SLC9C2: variants seen among roughly 807,000 people sequenced by gnomAD.
SLC9C2 encodes sodium/hydrogen exchanger 11.
SLC9C2 carries 75 observed loss-of-function variants against 140.2 expected under a neutral mutation model. The ratio of observed to expected loss-of-function variants is 0.53; its 90% CI spans 0.44 to 0.65. The LOEUF (loss-of-function observed/expected upper bound fraction) is 0.65. Ranked by LOEUF, SLC9C2 falls within the 30% of genes least tolerant of loss-of-function variation. The pLI is 0.00. For synonymous variants in SLC9C2, 375 were observed against 420.9 expected, an observed-to-expected ratio of 0.89 and a Z score of 1.34; for missense variants, 1,074 against 1,331.8, an observed-to-expected ratio of 0.81 and a Z score of 3.01.
At chr1:173,524,681 T>C (rs772009381) in intron 20 of SLC9C2, 98 bp downstream of exon 20, 1 of 1,341,100 alleles carries the variant, frequency 7.5e-7, no homozygotes, top group Non-Finnish European at 1.0e-6. Context: ...AGTTAACACC[T>C]GTGGTTAAAC....
intron 11 of SLC9C2, among the ~76,000 whole-genome samples, chr1:173,549,006 G>A (rs1398315326): frequency 6.6e-6 from 1 of 152,172 alleles, no homozygotes; most frequent in Non-Finnish European, 1.5e-5. Context: ...AAAGGCCAGT[G>A]CAGTAGAGAT....
At chr1:173,526,992 G>A (rs995451342) in intron 18 of SLC9C2, among the ~76,000 whole-genome samples, 1 of 151,932 alleles carries the variant, frequency 6.6e-6, no homozygotes, top group African/African-American at 2.4e-5. Context: ...ATACAAGTGT[G>A]AGCGACCACA....
intron 10 of SLC9C2, 81 bp from the exon 11 acceptor site, chr1:173,554,895 T>TA (rs1483781572): frequency 2.4e-6 from 2 of 835,320 alleles, no homozygotes; most frequent in Non-Finnish European, 3.9e-6. Context: ...ATTAGCCACT[T>TA]ACAAAATTCT....
rs1220022276 is a variant in SLC9C2 at position 173,524,945 on chromosome 1, A to T, written c.2366-18T>A. 2 of 1,611,876 alleles carry T rather than the reference A, an allele frequency of 1.2e-6. No individual in the cohort carries two copies. Among genetic ancestry groups the T allele is most frequent in the Non-Finnish European group, 1.7e-6 (2 of 1,178,834 alleles). On this transcript the variant is annotated intron_variant, in intron 19 of 27. Transcript: ENST00000367714. ...CATGAGTACTACAGCAAAGAAAATAAAATTCAGTAAGTGGCCTATGCAATA... is the reference window on the plus strand; with the variant it reads ...CATGAGTACTACAGCAAAGAAAATATAATTCAGTAAGTGGCCTATGCAATA...
chr1:173,551,989 T>G (rs1368794277), intron 11 of SLC9C2, among the ~76,000 whole-genome samples: 3 of 152,086 alleles, frequency 2.0e-5, no homozygotes, highest in African/African-American at 7.2e-5. Flanking sequence ...TGAAAGAAAT[T>G]AAAAGTGCTA....
At chr1:173,540,126 T>C (rs950464154) in intron 13 of SLC9C2, among the ~76,000 whole-genome samples, 1 of 152,156 alleles carries the variant, frequency 6.6e-6, no homozygotes, top group African/African-American at 2.4e-5. Context: ...CCAGAGACCA[T>C]GCTGTGAAGA....
intron 5 of SLC9C2, among the ~76,000 whole-genome samples, chr1:173,585,394 G>A (rs1456989331): frequency 6.6e-6 from 1 of 152,082 alleles, no homozygotes; most frequent in Non-Finnish European, 1.5e-5. Context: ...AAAAAATAAT[G>A]TATTATGACT....
intron 4 of SLC9C2, among the ~76,000 whole-genome samples, chr1:173,594,407 T>A (rs545489876): frequency 2.0e-5 from 3 of 152,346 alleles, no homozygotes; most frequent in Non-Finnish European, 4.4e-5. Context: ...GAAAGATCAC[T>A]ATGTATTCCA....
Position 173,521,384 on chromosome 1 carries a change from C to A in SLC9C2, c.2656G>T (p.Ala886Ser), listed in dbSNP as rs751648052. The A allele has an allele frequency of 2.0e-6, 3 of 1,501,774 alleles. No homozygotes were observed. The highest frequency in any genetic ancestry group is 2.3e-5 in the Admixed American group (1 of 42,880). The allele number at this position is 1,501,774 out of a possible 1,614,324, so 93.0% of individuals were successfully genotyped here. ...IDFFKERAKL[A>S]CFDSGDTICK... is the part of the protein sequence containing the mutation. ...ATGGTATCTCCAGAGTCAAAACAGG[C>A]AAGTTTGGCTCTTTCCTGAGTGGGA... The change falls in exon 22 of 28, where the codon GCC becomes TCC. Residue 886 changes from alanine to serine, a missense_variant. Coordinates refer to ENST00000367714, the MANE Select transcript of SLC9C2 (RefSeq NM_178527.4).
At chr1:173,572,317 C>G (rs1343533553) in intron 9 of SLC9C2, among the ~76,000 whole-genome samples, 13 of 152,200 alleles carry the variant, frequency 8.5e-5, no homozygotes. Context: ...TTAGGCCCCA[C>G]TCTGATGAGG....
At chr1:173,534,331 G>A (rs1484548595) in intron 16 of SLC9C2, among the ~76,000 whole-genome samples, 153 bp downstream of exon 16, 1 of 151,878 alleles carries the variant, frequency 6.6e-6, no homozygotes, top group African/African-American at 2.4e-5. Context: ...TATTAAACTT[G>A]GAAAATTCAA....
chr1:173,521,401 T>C lies in SLC9C2; in HGVS notation c.2641-2A>G, dbSNP rs767472922. 2.9e-5 allele frequency: 43 copies of C among 1,463,978 alleles called. No individual in the cohort carries two copies. The highest frequency in any genetic ancestry group is 3.9e-5 in the Non-Finnish European group (43 of 1,110,972). The allele number at this position is 1,463,978 out of a possible 1,614,324, so 90.7% of individuals were successfully genotyped here. Reference sequence around the variant, plus strand: ...AAAACAGGCAAGTTTGGCTCTTTCCTGAGTGGGAAAAAAAAAAACGAAAAG... The same window carrying C: ...AAAACAGGCAAGTTTGGCTCTTTCCCGAGTGGGAAAAAAAAAAACGAAAAG... On this transcript the variant is annotated splice_acceptor_variant, in intron 21 of 27. Transcript: ENST00000367714. LOFTEE classifies it high-confidence loss of function.
chr1:173,503,389 G>A lies in SLC9C2; in HGVS notation c.3311-63C>T, dbSNP rs1659415798. On this transcript the variant is annotated intron_variant, in intron 26 of 27. Coordinates refer to ENST00000367714, the MANE Select transcript of SLC9C2 (RefSeq NM_178527.4). ...AGGAATTTAAGAGTAAAGGCAACCAGAAAATATTTTGAAATATCTATTTGC... is the reference window on the plus strand; with the variant it reads ...AGGAATTTAAGAGTAAAGGCAACCAAAAAATATTTTGAAATATCTATTTGC... The A allele has an allele frequency of 7.7e-6, 11 of 1,435,398 alleles. No individual in the cohort carries two copies. The East Asian group carries it at 2.5e-4, about 33-fold the overall frequency. The allele number at this position is 1,435,398 out of a possible 1,614,324, so 88.9% of individuals were successfully genotyped here.
At chr1:173,541,725 A>G (rs1662437530) in intron 13 of SLC9C2, among the ~76,000 whole-genome samples, 1 of 152,226 alleles carries the variant, frequency 6.6e-6, no homozygotes, top group Non-Finnish European at 1.5e-5. Flanking sequence ...CTGCACAACT[A>G]CATGGAAACT....
rs536993276 is a variant in SLC9C2 at position 173,564,837 on chromosome 1, C to T, written c.1047-7329G>A. Among the ~76,000 whole-genome samples the T allele has an allele frequency of 3.3e-5, 5 of 151,616 alleles. No individual in the cohort carries two copies. The South Asian group carries it at 1.0e-3, about 32-fold the overall frequency. On this transcript the variant is annotated intron_variant, in intron 9 of 27. Transcript: ENST00000367714. ...TATTTTTAGTAGAGACAGGGTTTTA[C>T]CCTGTTAGCCAGGATGGTCTCGATC...
intron 24 of SLC9C2, among the ~76,000 whole-genome samples, chr1:173,509,215 G>A (rs771124192): frequency 3.3e-5 from 5 of 152,152 alleles, no homozygotes; most frequent in Admixed American, 1.3e-4. Flanking sequence ...AGGCCGAGGT[G>A]AGTAGATCAC....
chr1:173,511,973 G>C (rs1161103215), intron 23 of SLC9C2, among the ~76,000 whole-genome samples: 1 of 152,042 alleles, frequency 6.6e-6, no homozygotes, highest in African/African-American at 2.4e-5. Flanking sequence ...TATGTGTAGG[G>C]TTATTTCTGA....
intron 8 of SLC9C2, 29 bp downstream of exon 8, chr1:173,576,632 T>C: frequency 1.4e-6 from 2 of 1,429,266 alleles, no homozygotes; most frequent in Non-Finnish European, 2.0e-6. Context: ...TGCTATGAGA[T>C]CCATCGAAGG....
At chr1:173,532,904 AC>A (rs1483509685) in intron 17 of SLC9C2, among the ~76,000 whole-genome samples, 2 of 152,134 alleles carry the variant, frequency 1.3e-5, no homozygotes, top group African/African-American at 2.4e-5. Flanking sequence ...AAAAAGAAAG[AC>A]CAAAACAAAG....
Sources: gnomAD v4.1 joint callset for allele counts (sites outside exome capture counted in the v4.1 genomes callset) on GRCh38, gnomAD v4.1.1 for gene constraint, MANE v1.5 for transcripts, NCBI Gene and HGNC (gene_info 2026-07-23, HGNC 2026-07-21) for gene names.